ACSS3: variants seen among roughly 807,000 people sequenced by gnomAD.
ACSS3 encodes the protein acyl-CoA synthetase short-chain family member 3, mitochondrial.
In ACSS3, 64 loss-of-function variants were observed where a neutral mutation model predicts 84.2. The observed-to-expected ratio is 0.76, with a 90% CI of 0.62 to 0.94. The LOEUF (loss-of-function observed/expected upper bound fraction) is 0.94, where lower values mean the gene tolerates loss of function less well. ACSS3 is among the 40% of genes least tolerant of loss of function. The pLI, the probability that ACSS3 is intolerant of heterozygous loss-of-function variation, is 0.00. For synonymous variants in ACSS3, 317 were observed against 310.1 expected (o/e 1.02, Z -0.23); for missense variants, 815 against 867.6 (o/e 0.94, Z 0.76).
Position 81,243,539 on chromosome 12 carries a change from C to A in ACSS3, c.1720-9768C>A, listed in dbSNP as rs532916137. 1.4e-4 allele frequency among the ~76,000 whole-genome samples: 21 copies of A among 152,192 alleles called. No homozygotes were observed. The East Asian group carries it at 3.5e-3, about 25-fold the overall frequency. On this transcript the variant is annotated intron_variant, in intron 13 of 15. Coordinates refer to ENST00000548058, the MANE Select transcript of ACSS3 (RefSeq NM_024560.4). The stretch of plus-strand genomic sequence containing the variant: ...AAGTTCATATGGAACCAAAAAAGAG[C>A]CTGCATCGTCAAGTCAATCCTAAGC...
chr12:81,167,962 G>T (rs916267549), intron 7 of ACSS3, among the ~76,000 whole-genome samples: 6 of 152,134 alleles, frequency 3.9e-5, no homozygotes, highest in Non-Finnish European at 8.8e-5. Context: ...ATAGTGAAGA[G>T]GGATTGTCAA....
rs758271487 is a variant in ACSS3 at position 81,227,578 on chromosome 12, G to C, written c.1515-3479G>C. Among the ~76,000 whole-genome samples the C allele has an allele frequency of 5.9e-5, 9 of 151,762 alleles. No individual in the cohort carries two copies. The East Asian group carries it at 1.8e-3, about 30-fold the overall frequency. On this transcript the variant is annotated intron_variant, in intron 11 of 15. Coordinates refer to ENST00000548058, the MANE Select transcript of ACSS3 (RefSeq NM_024560.4). ...GAAAGAATGAATGAAACAAAGAAAC[G>C]CATGAAAGGAAGGAAGGGTTTAGGT... is the stretch of plus-strand genomic sequence containing the variant.
rs546850183 is a variant in ACSS3, at chr12:81,260,717, G to A, written c.*5795G>A. ...GCCCAAAAGACCAACAATAAATTGT[G>A]TGGCACTTTTAGTTCAAGGCAATGA... On this transcript the variant is annotated 3_prime_UTR_variant, in exon 16 of 16. Transcript: ENST00000548058. 1.3e-5 allele frequency: 2 copies of A among 152,292 alleles called. No individual in the cohort carries two copies. The highest frequency in any genetic ancestry group is 1.3e-4 in the Admixed American group (2 of 15,280). 9.4% of individuals were successfully genotyped at this position (152,292 alleles called of 1,614,324 possible).
At chr12:81,167,101 C>CA (rs1887438875) in intron 7 of ACSS3, among the ~76,000 whole-genome samples, 1 of 152,208 alleles carries the variant, frequency 6.6e-6, no homozygotes, top group South Asian at 2.1e-4. Flanking sequence ...TTAAATATGT[C>CA]AGAGTCCCTA....
chr12:81,237,678 C>G (rs2033671500), intron 13 of ACSS3, among the ~76,000 whole-genome samples: 1 of 151,570 alleles, frequency 6.6e-6, no homozygotes, highest in African/African-American at 2.4e-5. Flanking sequence ...ATAGCTTTAC[C>G]CACTTTCTGT....
intron 2 of ACSS3, among the ~76,000 whole-genome samples, chr12:81,110,543 C>A (rs1266572138): frequency 6.6e-6 from 1 of 152,172 alleles, no homozygotes; most frequent in African/African-American, 2.4e-5. Flanking sequence ...GGAACATTTA[C>A]TAAAAATGAT....
chr12:81,160,490 CAT>C (rs749835861), intron 7 of ACSS3, among the ~76,000 whole-genome samples: 5 of 152,308 alleles, frequency 3.3e-5, no homozygotes, highest in Admixed American at 1.3e-4. Context: ...GAAATACTAA[CAT>C]ATGTGTGGTT....
intron 2 of ACSS3, among the ~76,000 whole-genome samples, chr12:81,122,964 A>G (rs1372176781): frequency 1.3e-5 from 2 of 152,172 alleles, no homozygotes; most frequent in Non-Finnish European, 2.9e-5. Flanking sequence ...ATTTCTCTAT[A>G]TATCTATCAA....
intron 1 of ACSS3, among the ~76,000 whole-genome samples, chr12:81,080,762 C>T (rs984540611): frequency 3.3e-5 from 5 of 152,098 alleles, no homozygotes; most frequent in East Asian, 1.9e-4. Context: ...GCTTTATATC[C>T]GCAAGATCTA....
At chr12:81,112,766 T>TTTGTACA (rs1354303820) in intron 2 of ACSS3, among the ~76,000 whole-genome samples, 2 of 152,194 alleles carry the variant, frequency 1.3e-5, no homozygotes, top group African/African-American at 4.8e-5. Context: ...AAGAAGTGCC[T>TTTGTACA]TTGTACATTA....
At chr12:81,226,964 TAC>T (rs34439721) in intron 11 of ACSS3, among the ~76,000 whole-genome samples, 85,395 of 148,846 alleles carry the variant, frequency 0.57, 25,690 homozygotes, top group Non-Finnish European at 0.7. Flanking sequence ...CAATAGGATT[TAC>T]ACACACACAC....
At chr12:81,129,109 C>T (rs577889084) in intron 2 of ACSS3, among the ~76,000 whole-genome samples, 1 of 152,018 alleles carries the variant, frequency 6.6e-6, no homozygotes, top group Non-Finnish European at 1.5e-5. Context: ...CAAGCAAGGC[C>T]AAATAGACTC....
At chr12:81,079,940 C>T (rs1225234746) in intron 1 of ACSS3, among the ~76,000 whole-genome samples, 3 of 152,182 alleles carry the variant, frequency 2.0e-5, no homozygotes, top group Non-Finnish European at 4.4e-5. Context: ...TTTGTATTCT[C>T]AGACCATAAT....
chr12:81,197,028 G>A (rs1421365783), intron 8 of ACSS3, among the ~76,000 whole-genome samples: 1 of 152,054 alleles, frequency 6.6e-6, no homozygotes, highest in Non-Finnish European at 1.5e-5. Flanking sequence ...ATTTTATTCT[G>A]TGAATATCTT....
intron 8 of ACSS3, among the ~76,000 whole-genome samples, chr12:81,176,668 C>G (rs2030502629): frequency 6.6e-6 from 1 of 151,686 alleles, no homozygotes; most frequent in Non-Finnish European, 1.5e-5. Context: ...GAAAATGAAT[C>G]AGTAATAAAA....
intron 11 of ACSS3, among the ~76,000 whole-genome samples, chr12:81,228,555 T>G (rs2033345770): frequency 6.6e-6 from 1 of 151,842 alleles, no homozygotes; most frequent in Non-Finnish European, 1.5e-5. Context: ...TGCTAGCACC[T>G]TATTTTTTCT....
chr12:81,160,328 A>T (rs1262354562), intron 7 of ACSS3, among the ~76,000 whole-genome samples: 1 of 152,226 alleles, frequency 6.6e-6, no homozygotes, highest in Non-Finnish European at 1.5e-5. Flanking sequence ...TGTTTACTAG[A>T]TTAGCAAGGG....
intron 3 of ACSS3, among the ~76,000 whole-genome samples, chr12:81,135,615 T>C (rs1177666950): frequency 6.6e-6 from 1 of 151,502 alleles, no homozygotes; most frequent in Non-Finnish European, 1.5e-5. Flanking sequence ...TTCTCACTGT[T>C]AAGTGGGAGC....
At chr12:81,242,579 C>A (rs1033228273) in intron 13 of ACSS3, among the ~76,000 whole-genome samples, 66 of 150,330 alleles carry the variant, frequency 4.4e-4, no homozygotes, top group African/African-American at 1.5e-3. Context: ...AGACCAATAT[C>A]ATTGATGAAC....
Sources: gnomAD v4.1 joint callset for allele counts (sites outside exome capture counted in the v4.1 genomes callset) on GRCh38, gnomAD v4.1.1 for gene constraint, MANE v1.5 for transcripts, NCBI Gene and HGNC (gene_info 2026-07-23, HGNC 2026-07-21) for gene names.